The following FCHO2 variants were observed in gnomAD, a reference collection of about 807,000 sequenced individuals.
FCHO2 encodes FCH and mu domain containing endocytic adaptor 2, also known as F-BAR domain only protein 2.
In FCHO2, 43 loss-of-function variants were observed where a neutral mutation model predicts 114.1. The ratio of observed to expected loss-of-function variants is 0.38; its 90% CI spans 0.30 to 0.49. The LOEUF is 0.49. Ranked by LOEUF, FCHO2 falls within the 20% of genes least tolerant of loss-of-function variation. The pLI is 0.97. For missense variants in FCHO2, 807 were observed against 950.4 expected (o/e 0.85, Z 1.98); for synonymous variants, 293 against 315.2 (o/e 0.93, Z 0.75).
rs533196700 is a variant in FCHO2 at position 73,000,081 on chromosome 5, CTGTAACCT to C, written c.496-6361_496-6354del. On this transcript the variant is annotated intron_variant, in intron 5 of 25. Transcript: ENST00000430046. The stretch of plus-strand genomic sequence containing the variant: ...AGTGCATTGGCACAATCACGGCTCA[CTGTAACCT>C]TGAACTCCCAGACTTAAGCAATCCT... 7.2e-3 allele frequency among the ~76,000 whole-genome samples: 1,098 copies of C among 152,270 alleles called. 17 individuals carry two copies. The highest frequency in any genetic ancestry group is 0.025 in the African/African-American group (1,049 of 41,548).
chr5:73,027,563 G>A (rs1756007512), intron 8 of FCHO2, among the ~76,000 whole-genome samples: 1 of 151,992 alleles, frequency 6.6e-6, no homozygotes, highest in Non-Finnish European at 1.5e-5. Flanking sequence ...AAGGACACAG[G>A]TGATAACCTG....
At chr5:72,997,292 G>T in intron 5 of FCHO2, 1 of 1,447,068 alleles carries the variant, frequency 6.9e-7, no homozygotes, top group Non-Finnish European at 9.7e-7. Flanking sequence ...GTGGGAGCTG[G>T]TAGTGTTTAT....
intron 2 of FCHO2, among the ~76,000 whole-genome samples, chr5:72,976,933 A>G (rs1752922579): frequency 6.6e-6 from 1 of 152,174 alleles, no homozygotes; most frequent in Non-Finnish European, 1.5e-5. Flanking sequence ...AGCTTCAACC[A>G]TATCCCTGCA....
chr5:72,992,010 G>T (rs1445036637), intron 5 of FCHO2, among the ~76,000 whole-genome samples: 1 of 152,170 alleles, frequency 6.6e-6, no homozygotes, highest in Non-Finnish European at 1.5e-5. Flanking sequence ...AAGAGGGGCT[G>T]TTACAAGACT....
intron 22 of FCHO2, 148 bp downstream of exon 22, chr5:73,078,460 G>C: frequency 1.3e-6 from 1 of 753,880 alleles, no homozygotes; most frequent in South Asian, 2.0e-5. Context: ...TTATAAGCCA[G>C]TGGAGATTTT....
At chr5:73,016,883 G>A (rs1314110837) in intron 7 of FCHO2, among the ~76,000 whole-genome samples, 1 of 152,176 alleles carries the variant, frequency 6.6e-6, no homozygotes, top group South Asian at 2.1e-4. Flanking sequence ...GTCAGACTGT[G>A]TGTGTGTTTT....
chr5:73,075,900 A>AG (rs34997943), intron 20 of FCHO2, among the ~76,000 whole-genome samples: 42,197 of 152,006 alleles, frequency 0.28, 6,162 homozygotes, highest in East Asian at 0.44. Context: ...CTGGAGTTCA[A>AG]GGGGTAAGTC....
intron 8 of FCHO2, among the ~76,000 whole-genome samples, chr5:73,031,278 TATC>T (rs1756229156): frequency 6.6e-6 from 1 of 152,206 alleles, no homozygotes; most frequent in African/African-American, 2.4e-5. Flanking sequence ...ACCCCTTCAT[TATC>T]ATCATTCCTT....
intron 2 of FCHO2, among the ~76,000 whole-genome samples, chr5:72,980,943 A>G (rs1266846126): frequency 6.6e-6 from 1 of 152,060 alleles, no homozygotes; most frequent in Non-Finnish European, 1.5e-5. Context: ...GCCTGTTTAC[A>G]TTTAAGGTTA....
intron 5 of FCHO2, among the ~76,000 whole-genome samples, chr5:72,998,099 G>C (rs1422343422): frequency 1.3e-5 from 2 of 152,106 alleles, no homozygotes; most frequent in Non-Finnish European, 2.9e-5. Flanking sequence ...CATGTATGGG[G>C]ACAGTAAACA....
chr5:72,974,882 C>G (rs947611572), intron 2 of FCHO2, among the ~76,000 whole-genome samples: 46 of 152,100 alleles, frequency 3.0e-4, no homozygotes, highest in African/African-American at 1.0e-3. Flanking sequence ...TTCGGGAGCT[C>G]TTGTAGGGCA....
intron 11 of FCHO2, 47 bp from the exon 12 acceptor site, chr5:73,051,302 T>G: frequency 7.8e-7 from 1 of 1,276,736 alleles, no homozygotes; most frequent in Non-Finnish European, 1.1e-6. Context: ...TCTAATAATT[T>G]TGTACATTGG....
chr5:72,976,837 G>A (rs1051236120), intron 2 of FCHO2, among the ~76,000 whole-genome samples: 2 of 142,198 alleles, frequency 1.4e-5, no homozygotes, highest in Non-Finnish European at 3.0e-5. Flanking sequence ...GTGTCCATGT[G>A]TTCTCATTGT....
chr5:73,058,587 A>G, intron 17 of FCHO2, 63 bp downstream of exon 17: 3 of 744,538 alleles, frequency 4.0e-6, no homozygotes, highest in Non-Finnish European at 6.0e-6. Context: ...GCTTTTTCTC[A>G]TTCACTTTTT....
intron 19 of FCHO2, among the ~76,000 whole-genome samples, chr5:73,072,019 TACTC>T (rs930970444): frequency 2.0e-5 from 3 of 151,944 alleles, no homozygotes; most frequent in African/African-American, 7.2e-5. Flanking sequence ...TTGTGTGAGT[TACTC>T]AAGAGACATT....
intron 6 of FCHO2, among the ~76,000 whole-genome samples, chr5:73,009,785 A>G (rs1002857380): frequency 3.9e-5 from 6 of 152,250 alleles, no homozygotes; most frequent in African/African-American, 1.4e-4. Flanking sequence ...GATCTGTCCA[A>G]CTCGGCCTCC....
At chr5:73,051,687 C>T (rs1041743118) in intron 12 of FCHO2, among the ~76,000 whole-genome samples, 1 of 151,854 alleles carries the variant, frequency 6.6e-6, no homozygotes, top group African/African-American at 2.4e-5. Flanking sequence ...CTGCCTCAGT[C>T]CCCCAAGTAG....
intron 20 of FCHO2, among the ~76,000 whole-genome samples, chr5:73,075,197 G>T (rs752801544): frequency 1.2e-4 from 19 of 152,102 alleles, no homozygotes; most frequent in African/African-American, 2.9e-4. Context: ...ATTGATACAC[G>T]CTATGAAGAA....
chr5:72,967,493 A>G (rs1334344684), intron 1 of FCHO2, among the ~76,000 whole-genome samples: 2 of 152,230 alleles, frequency 1.3e-5, no homozygotes, highest in African/African-American at 2.4e-5. Context: ...CACAAACTCC[A>G]AATTAAATAA....
Sources: gnomAD v4.1 joint callset for allele counts (sites outside exome capture counted in the v4.1 genomes callset) on GRCh38, gnomAD v4.1.1 for gene constraint, MANE v1.5 for transcripts, NCBI Gene and HGNC (gene_info 2026-07-23, HGNC 2026-07-21) for gene names.